Variants in BRD10 observed in about 807,000 individuals in gnomAD.
BRD10 encodes the protein bromodomain containing 10.
chr9:5,905,355 C>T, the BRD10 span, among the ~76,000 whole-genome samples: 3 of 152,166 alleles, frequency 2.0e-5, no homozygotes, highest in African/African-American at 7.2e-5. Context: ...ATTATACTCC[C>T]TCCCTTTTAG....
At chr9:5,922,622 GGCA>G in the BRD10 span, 635 of 1,613,832 alleles carry the variant, frequency 3.9e-4, 7 homozygotes, top group Non-Finnish European at 2.2e-5. Context: ...TTGAAGTGGT[GGCA>G]CTTCTTTTGC....
the BRD10 span, chr9:5,919,584 A>ACACACACACACACACACACACACACAC: frequency 5.1e-6 from 5 of 979,570 alleles, no homozygotes; most frequent in African/African-American, 5.0e-5. Context: ...ACACACACAC[A>ACACACACACACACACACACACACACAC]ATGTATAGTA....
At chr9:5,899,622 C>A in the BRD10 span, among the ~76,000 whole-genome samples, 1 of 152,216 alleles carries the variant, frequency 6.6e-6, no homozygotes, top group Non-Finnish European at 1.5e-5. Context: ...CTGTCCACAA[C>A]AGGTTAGTAG....
chr9:5,932,281 C>A, the BRD10 span, among the ~76,000 whole-genome samples: 1 of 151,860 alleles, frequency 6.6e-6, no homozygotes, highest in Non-Finnish European at 1.5e-5. Flanking sequence ...GAACAATGAT[C>A]ATGTTTCATC....
At chr9:6,004,423 G>C in the BRD10 span, among the ~76,000 whole-genome samples, 1 of 152,176 alleles carries the variant, frequency 6.6e-6, no homozygotes, top group Admixed American at 6.5e-5. Flanking sequence ...TAAGGAAACT[G>C]AGATTCAAGT....
the BRD10 span, among the ~76,000 whole-genome samples, chr9:5,894,577 C>A: frequency 6.6e-6 from 1 of 152,150 alleles, no homozygotes; most frequent in African/African-American, 2.4e-5. The surrounding 1 kb of genome is among the most constrained non-coding windows in gnomAD (Gnocchi z 4.0). Context: ...GGGCATGAAT[C>A]AAATACTCAG....
chr9:5,992,716 CTTTT>C, the BRD10 span, among the ~76,000 whole-genome samples: 15 of 149,148 alleles, frequency 1.0e-4, no homozygotes, highest in Non-Finnish European at 1.2e-4. Flanking sequence ...CTTTCTCCCC[CTTTT>C]TTTTTTTTTA....
the BRD10 span, among the ~76,000 whole-genome samples, chr9:5,967,076 C>T: frequency 6.6e-6 from 1 of 152,062 alleles, no homozygotes; most frequent in Admixed American, 6.5e-5. Flanking sequence ...CCTTATTTTC[C>T]AATTCATTAC....
chr9:5,893,751 T>G, the BRD10 span, among the ~76,000 whole-genome samples: 2 of 152,206 alleles, frequency 1.3e-5, no homozygotes, highest in Non-Finnish European at 2.9e-5. Flanking sequence ...GTTTTCTTCT[T>G]GCTGGTTACT....
the BRD10 span, chr9:5,923,068 T>C: frequency 6.2e-7 from 1 of 1,614,038 alleles, no homozygotes; most frequent in Non-Finnish European, 8.5e-7. Context: ...TATGCTTTGA[T>C]TCACTGAAAC....
At chr9:5,988,863 G>A in the BRD10 span, among the ~76,000 whole-genome samples, 1 of 151,914 alleles carries the variant, frequency 6.6e-6, no homozygotes, top group African/African-American at 2.4e-5. Flanking sequence ...ATCTATTATT[G>A]GTACGAGAAA....
the BRD10 span, among the ~76,000 whole-genome samples, chr9:6,006,056 C>T: frequency 6.6e-6 from 1 of 152,178 alleles, no homozygotes; most frequent in South Asian, 2.1e-4. Context: ...AAAAAATTAA[C>T]ACAATTTCTA....
At chr9:5,981,472 C>T in the BRD10 span, among the ~76,000 whole-genome samples, 1 of 152,184 alleles carries the variant, frequency 6.6e-6, no homozygotes, top group Admixed American at 6.5e-5. Context: ...GACACTGATA[C>T]CAACACTGAC....
At chr9:5,931,883 T>G in the BRD10 span, among the ~76,000 whole-genome samples, 1 of 152,146 alleles carries the variant, frequency 6.6e-6, no homozygotes, top group Non-Finnish European at 1.5e-5. Context: ...AAGTTGAAAA[T>G]TAACTGTTCT....
At chr9:5,899,435 T>C in the BRD10 span, among the ~76,000 whole-genome samples, 1 of 152,050 alleles carries the variant, frequency 6.6e-6, no homozygotes, top group Admixed American at 6.6e-5. Context: ...ATACAAACCA[T>C]CAAAGGCAAG....
the BRD10 span, among the ~76,000 whole-genome samples, chr9:5,902,123 G>A: frequency 4.6e-5 from 7 of 152,274 alleles, no homozygotes; most frequent in Non-Finnish European, 1.0e-4. Flanking sequence ...ACTCACCACT[G>A]AACTCATCTG....
the BRD10 span, chr9:5,919,671 T>C: frequency 1.9e-6 from 3 of 1,583,236 alleles, no homozygotes; most frequent in East Asian, 4.5e-5. Flanking sequence ...AAACTGGCTC[T>C]TTTAGTCTAA....
At chr9:5,919,583 C>CACACACAA in the BRD10 span, 1,804 of 1,024,292 alleles carry the variant, frequency 1.8e-3, 9 homozygotes, top group Non-Finnish European at 1.4e-3. Context: ...CACACACACA[C>CACACACAA]AATGTATAGT....
chr9:5,932,664 G>A, the BRD10 span, among the ~76,000 whole-genome samples: 3 of 152,100 alleles, frequency 2.0e-5, no homozygotes, highest in Admixed American at 2.0e-4. Flanking sequence ...GTGGGGTCCT[G>A]GAACCAATCT....
Sources: gnomAD v4.1 joint callset for allele counts (sites outside exome capture counted in the v4.1 genomes callset) on GRCh38, gnomAD v4.1.1 for gene constraint, Gnocchi (gnomAD v3.1) non-coding constraint, MANE v1.5 for transcripts, NCBI Gene and HGNC (gene_info 2026-07-23, HGNC 2026-07-21) for gene names.